ZNF221: variants seen among roughly 807,000 people sequenced by gnomAD.
The protein encoded by ZNF221 is zinc finger protein 221.
Under a neutral mutation model 12.6 loss-of-function variants are expected in ZNF221, and 10 were observed. The ratio of observed to expected loss-of-function variants is 0.79; its 90% CI spans 0.49 to 1.34. The LOEUF is 1.34. Ranked by LOEUF, ZNF221 falls within the 40% of genes most tolerant of loss-of-function variation. The probability of loss-of-function intolerance (pLI) is 0.00; values close to 1 mark genes in which losing one functional copy is unlikely to be tolerated. For synonymous variants in ZNF221, 232 were observed against 244.0 expected (o/e 0.95, Z 0.46); for missense variants, 661 against 721.4 (o/e 0.92, Z 0.96).
the ZNF221 span, among the ~76,000 whole-genome samples, chr19:43,980,204 G>A: frequency 6.6e-6 from 1 of 152,210 alleles, no homozygotes; most frequent in South Asian, 2.1e-4. Context: ...GGCATTCATA[G>A]TAAATAACTT....
At chr19:43,974,558 C>A in the ZNF221 span, among the ~76,000 whole-genome samples, 83 of 151,856 alleles carry the variant, frequency 5.5e-4, no homozygotes, top group Admixed American at 1.2e-3. Flanking sequence ...AGAAAAAAAA[C>A]CATTAAAAAG....
At chr19:43,977,037 T>C in the ZNF221 span, 1 of 152,196 alleles carries the variant, frequency 6.6e-6, no homozygotes, top group African/African-American at 2.4e-5. Flanking sequence ...GCCAGTAAAA[T>C]GATGACATAG....
rs768906763 is a variant in ZNF221 at position 43,967,123 on chromosome 19, A to C, written c.1621A>C (p.Lys541Gln). The C allele has an allele frequency of 2.5e-6, 4 of 1,595,128 alleles. No individual in the cohort carries two copies. Among genetic ancestry groups the C allele is most frequent in the Non-Finnish European group, 3.4e-6 (4 of 1,168,178 alleles). ...GCTATACAAATGTGAGCAGTGTGAGAAGGGGTACAACAGTAAATTTAATCT... is the reference window on the plus strand; with the variant it reads ...GCTATACAAATGTGAGCAGTGTGAGCAGGGGTACAACAGTAAATTTAATCT... ...EKLYKCEQCE[K>Q]GYNSKFNLDM... Residue 541 changes from lysine to glutamine, a missense_variant, in exon 5 of 5, where the codon AAG becomes CAG. Lys to Gln is a moderately conservative substitution (Grantham distance 53). Transcript: ENST00000587682.
chr19:43,971,642 A>C (rs61324078), downstream of ZNF221, among the ~76,000 whole-genome samples: 7,515 of 24,636 alleles, frequency 0.31, 335 homozygotes, highest in South Asian at 0.46. Flanking sequence ...AAACCAACAA[A>C]GATAAAAAAA....
Position 43,966,085 on chromosome 19 carries a change from G to C in ZNF221, c.583G>C (p.Glu195Gln). 6.2e-7 allele frequency: 1 copy of C among 1,614,222 alleles called. No homozygotes were observed. The highest frequency in any genetic ancestry group is 1.1e-5 in the South Asian group (1 of 91,086). ...FDLHQQSHSG[E>Q]KSHTCGECGK... Reference sequence around the variant, plus strand: ...TCTTCATCAACAATCACACTCAGGAGAGAAATCTCATACATGTGGTGAGTG... The same window carrying C: ...TCTTCATCAACAATCACACTCAGGACAGAAATCTCATACATGTGGTGAGTG... Residue 195 changes from glutamate (E) to glutamine (Q), a missense_variant, in exon 5 of 5, where the codon GAG becomes CAG. Coordinates refer to ENST00000587682, the MANE Select transcript of ZNF221 (RefSeq NM_001297588.2).
downstream of ZNF221, among the ~76,000 whole-genome samples, chr19:43,970,302 G>C (rs1975069310): frequency 6.6e-6 from 1 of 152,136 alleles, no homozygotes; most frequent in East Asian, 1.9e-4. Flanking sequence ...TAAGCCCACA[G>C]ATATGATAAA....
At chr19:43,974,235 CATT>C in the ZNF221 span, among the ~76,000 whole-genome samples, 1 of 148,124 alleles carries the variant, frequency 6.8e-6, no homozygotes, top group Admixed American at 6.7e-5. Context: ...TCCTTACAAA[CATT>C]ATACAAAAAT....
At position 43,951,849 on chromosome 19, in the gene ZNF221, C is replaced by CTTTTTT. The variant is rs758081943; in HGVS notation, c.-3+486_-3+491dup. Among the ~76,000 whole-genome samples, 16 of 62,596 alleles carry CTTTTTT rather than the reference C, an allele frequency of 2.6e-4. 2 individuals carry two copies. Among genetic ancestry groups the CTTTTTT allele is most frequent in the African/African-American group, 7.9e-4 (12 of 15,102 alleles). 41.1% of individuals were successfully genotyped at this position (62,596 alleles called of 152,430 possible). A position where few individuals can be genotyped will look rare whatever the true frequency, so the allele number is the denominator to read the frequency against. On this transcript the variant is annotated intron_variant, in intron 1 of 4. Transcript: ENST00000587682. ...GAAAATTCTGGACAGTCTTTGACCT[C>CTTTTTT]TTTTTTTTTTTTTTTTTTTTTTTTT...
Position 43,965,959 on chromosome 19 carries a change from C to A in ZNF221, c.457C>A (p.Pro153Thr). ...SSQFFKEGDVPCQIEARLSIS... is the reference protein window; with the variant it reads ...SSQFFKEGDVTCQIEARLSIS... Reference sequence around the variant, plus strand: ...TCAGTTCTTCAAAGAAGGTGATGTCCCCTGCCAGATTGAGGCAAGACTATC... The same window carrying A: ...TCAGTTCTTCAAAGAAGGTGATGTCACCTGCCAGATTGAGGCAAGACTATC... Residue 153 changes from proline to threonine, a missense_variant, in exon 5 of 5, where the codon CCC becomes ACC. Pro to Thr is a conservative substitution (Grantham distance 38, BLOSUM62 -1). Coordinates refer to ENST00000587682, the MANE Select transcript of ZNF221 (RefSeq NM_001297588.2). 3 of 1,614,176 alleles carry A rather than the reference C, an allele frequency of 1.9e-6. No homozygotes were observed. The highest frequency in any genetic ancestry group is 2.5e-6 in the Non-Finnish European group (3 of 1,180,022).
downstream of ZNF221, among the ~76,000 whole-genome samples, chr19:43,971,431 C>A (rs1975093766): frequency 6.6e-6 from 1 of 152,060 alleles, no homozygotes; most frequent in Non-Finnish European, 1.5e-5. Context: ...TGTAAATAGG[C>A]TAAATGCCCC....
intron 1 of ZNF221, among the ~76,000 whole-genome samples, chr19:43,954,698 C>G (rs1974727864): frequency 6.6e-6 from 1 of 152,118 alleles, no homozygotes; most frequent in South Asian, 2.1e-4. Flanking sequence ...TAGGAATCAT[C>G]CCTGCTTCCA....
chr19:43,956,510 C>G (rs1299103488), intron 1 of ZNF221, among the ~76,000 whole-genome samples: 1 of 68,886 alleles, frequency 1.5e-5, no homozygotes, highest in Non-Finnish European at 4.9e-5. Flanking sequence ...GCCATTTTAT[C>G]CTCTCTTATG....
downstream of ZNF221, among the ~76,000 whole-genome samples, chr19:43,970,857 G>A (rs759016153): frequency 2.0e-5 from 3 of 152,166 alleles, no homozygotes; most frequent in Non-Finnish European, 4.4e-5. Flanking sequence ...ATGTTATCCA[G>A]GATAACTTTC....
intron 1 of ZNF221, 130 bp from the exon 2 acceptor site, chr19:43,962,595 C>A: frequency 1.2e-6 from 1 of 843,672 alleles, no homozygotes; most frequent in African/African-American, 1.7e-5. Flanking sequence ...TGCTTGTTTG[C>A]AGTTTGGGGT....
rs185239631 is a variant in ZNF221 at position 43,967,703 on chromosome 19, C to T, written c.*347C>T. ...CCGTGTTAGCCAGGATGGTCTCGATCTCCTGACCTCGTGATCCGCCCGCCT... is the reference window on the plus strand; with the variant it reads ...CCGTGTTAGCCAGGATGGTCTCGATTTCCTGACCTCGTGATCCGCCCGCCT... On this transcript the variant is annotated 3_prime_UTR_variant, in exon 5 of 5. Coordinates refer to ENST00000587682, the MANE Select transcript of ZNF221 (RefSeq NM_001297588.2). The T allele has an allele frequency of 1.6e-3, 315 of 200,504 alleles. No individual in the cohort carries two copies. The highest frequency in any genetic ancestry group is 6.9e-3 in the African/African-American group (297 of 42,954). 12.4% of individuals were successfully genotyped at this position (200,504 alleles called of 1,614,324 possible). A position where few individuals can be genotyped will look rare whatever the true frequency, so the allele number is the denominator to read the frequency against.
chr19:43,965,955 T>C lies in ZNF221; in HGVS notation c.453T>C (p.Asp151=). The change falls in exon 5 of 5, where the codon GAT becomes GAC. Residue 151 remains aspartate, a synonymous_variant. Coordinates refer to ENST00000587682, the MANE Select transcript of ZNF221 (RefSeq NM_001297588.2). The stretch of plus-strand genomic sequence containing the variant: ...GCTCTCAGTTCTTCAAAGAAGGTGA[T>C]GTCCCCTGCCAGATTGAGGCAAGAC... ...RNSSQFFKEG[D]VPCQIEARLS... is the part of the protein sequence containing the mutation. 1 of 1,614,206 alleles carries C rather than the reference T, an allele frequency of 6.2e-7. No homozygotes were observed. The highest frequency in any genetic ancestry group is 8.5e-7 in the Non-Finnish European group (1 of 1,180,018).
chr19:43,962,789 A>G lies in ZNF221; in HGVS notation c.63A>G (p.Gly21=), dbSNP rs779719793. The G allele has an allele frequency of 1.2e-6, 2 of 1,613,646 alleles. No homozygotes were observed. The highest frequency in any genetic ancestry group is 1.7e-6 in the Non-Finnish European group (2 of 1,179,696). The change falls in exon 2 of 5, where the codon GGA becomes GGG. Residue 21 remains glycine, a synonymous_variant. Coordinates refer to ENST00000587682, the MANE Select transcript of ZNF221 (RefSeq NM_001297588.2). ...TCTGCAAATTCCCTGAAGTAGAAGG[A>G]AAAATGACCACATTCAAAGTGAGTA... ...SGLCKFPEVE[G]KMTTFKEAVT...
the ZNF221 span, among the ~76,000 whole-genome samples, chr19:43,975,021 C>CAA: frequency 8.0e-6 from 1 of 124,502 alleles, no homozygotes; most frequent in Non-Finnish European, 1.7e-5. Context: ...AACTGTGTCT[C>CAA]AAAAAAAAAA....
the ZNF221 span, among the ~76,000 whole-genome samples, chr19:43,979,425 A>G: frequency 4.8e-5 from 1 of 20,910 alleles, no homozygotes; most frequent in African/African-American, 1.5e-4. Flanking sequence ...AGTAATACAT[A>G]TATATATATA....
Sources: allele counts gnomAD v4.1 joint callset (sites outside exome capture counted in the v4.1 genomes callset), GRCh38; gene constraint gnomAD v4.1.1; transcripts MANE v1.5; gene names NCBI Gene and HGNC (gene_info 2026-07-23, HGNC 2026-07-21).